Variants in VWF observed in about 807,000 individuals in gnomAD.
The protein encoded by VWF is von Willebrand factor.
A neutral mutation model predicts 308.6 loss-of-function variants in VWF; 176 were observed. The ratio of observed to expected loss-of-function variants is 0.57; its 90% CI spans 0.50 to 0.65. VWF has a LOEUF of 0.65. Ranked by LOEUF, VWF falls within the 30% of genes least tolerant of loss-of-function variation. The pLI is 0.00. For missense variants in VWF, 3,146 were observed against 3,648.2 expected (o/e 0.86, Z 3.55); for synonymous variants, 1,385 against 1,443.4 (o/e 0.96, Z 0.92).
intron 3 of VWF, among the ~76,000 whole-genome samples, chr12:6,117,422 G>A (rs961386696): frequency 1.6e-4 from 25 of 152,200 alleles, no homozygotes; most frequent in African/African-American, 5.1e-4. Context: ...ATGCCTGGGG[G>A]CCCAGCAGCC....
At chr12:5,969,872 G>A (rs905535866) in intron 44 of VWF, among the ~76,000 whole-genome samples, 7 of 152,172 alleles carry the variant, frequency 4.6e-5, no homozygotes, top group African/African-American at 1.7e-4. Context: ...TGGGTAGCCT[G>A]ACCCCAAGGG....
Position 6,110,552 on chromosome 12 carries a change from C to G in VWF, c.354G>C (p.Leu118=). The G allele has an allele frequency of 6.2e-7, 1 of 1,614,198 alleles. No homozygotes were observed. The highest frequency in any genetic ancestry group is 1.1e-5 in the South Asian group (1 of 91,088). Residue 118 remains leucine, a synonymous_variant, in exon 5 of 52, where the codon CTG becomes CTC. Coordinates refer to ENST00000261405, the MANE Select transcript of VWF (RefSeq NM_000552.5). ...RVSMPYASKG[L]YLETEAGYYK... ...AGTACCCAGCCTCAGTTTCTAGATA[C>G]AGCCCTTTGGAGGCATAGGGCATGG... is the stretch of plus-strand genomic sequence containing the variant.
intron 42 of VWF, 126 bp from the exon 43 acceptor site, chr12:5,976,386 C>A: frequency 8.0e-7 from 1 of 1,244,250 alleles, no homozygotes; most frequent in South Asian, 1.3e-5. Flanking sequence ...CAAATGTGGT[C>A]TCCGCCCATA....
intron 47 of VWF, among the ~76,000 whole-genome samples, chr12:5,964,224 ATACATAC>A (rs1943356852): frequency 2.2e-5 from 3 of 134,252 alleles, no homozygotes; most frequent in African/African-American, 1.0e-4. Context: ...CTAAAAATAC[ATACATAC>A]ATACATACAT....
chr12:6,004,782 T>G (rs1943909289), intron 34 of VWF, among the ~76,000 whole-genome samples: 1 of 151,628 alleles, frequency 6.6e-6, no homozygotes, highest in Non-Finnish European at 1.5e-5. Flanking sequence ...AAATAATAAG[T>G]AGTTAAAGAA....
intron 5 of VWF, 31 bp from the exon 6 acceptor site, chr12:6,095,615 T>G: frequency 6.2e-7 from 1 of 1,613,970 alleles, no homozygotes; most frequent in Non-Finnish European, 8.5e-7. Flanking sequence ...AAAGTAATGC[T>G]TCAGTTATGC....
intron 6 of VWF, among the ~76,000 whole-genome samples, chr12:6,088,380 G>A (rs1944995933): frequency 6.6e-6 from 1 of 151,980 alleles, no homozygotes; most frequent in African/African-American, 2.4e-5. Flanking sequence ...TCGGGAGGCT[G>A]AGGCGGGAGA....
At chr12:6,045,694 A>G (rs1944440145) in intron 17 of VWF, among the ~76,000 whole-genome samples, 1 of 152,208 alleles carries the variant, frequency 6.6e-6, no homozygotes, top group South Asian at 2.1e-4. Flanking sequence ...AGCAAACACC[A>G]TGGCACAGAA....
In VWF at chr12:6,020,952, G is replaced by A. The variant is rs367607483; in HGVS notation, c.3674+948C>T. 0.048 allele frequency among the ~76,000 whole-genome samples: 7,278 copies of A among 151,484 alleles called. 599 individuals are homozygous for A. The highest frequency in any genetic ancestry group is 0.16 in the African/African-American group (6,698 of 40,766). ...CCCAAGCCAGCATCAGAATCACCCA[G>A]TCCTTTGCTCCCTACAGTCTCTGTT... On this transcript the variant is annotated intron_variant, in intron 27 of 51. Coordinates refer to ENST00000261405, the MANE Select transcript of VWF (RefSeq NM_000552.5). The surrounding 1 kb of genome is among the most constrained non-coding windows in gnomAD (Gnocchi z 4.3).
intron 18 of VWF, among the ~76,000 whole-genome samples, chr12:6,037,135 C>A (rs977931375): frequency 1.3e-5 from 2 of 152,098 alleles, no homozygotes; most frequent in Non-Finnish European, 2.9e-5. Flanking sequence ...ATATATTTCA[C>A]AAAAGACTAG....
intron 34 of VWF, among the ~76,000 whole-genome samples, chr12:6,008,062 A>G (rs1943949655): frequency 1.3e-5 from 2 of 152,136 alleles, no homozygotes; most frequent in Middle Eastern, 3.2e-3. Flanking sequence ...TAATCTCTCA[A>G]TAAATAAGAG....
chr12:6,059,734 T>A (rs1944633029), intron 13 of VWF, among the ~76,000 whole-genome samples: 1 of 152,178 alleles, frequency 6.6e-6, no homozygotes, highest in African/African-American at 2.4e-5. Context: ...ACATATAAAT[T>A]TGGGGAGGAC....
rs767600265 is a variant in VWF at position 6,075,603 on chromosome 12, G to A, written c.658-52C>T. The A allele has an allele frequency of 2.5e-6, 4 of 1,571,532 alleles. No individual in the cohort carries two copies. The South Asian group carries it at 3.5e-5, about 14-fold the overall frequency. ...GTATGCTCCGTTAGTGTCTCCCTGA[G>A]TGTGGCACTGAGACTTAGCCCTGCT... is the stretch of plus-strand genomic sequence containing the variant. On this transcript the variant is annotated intron_variant, in intron 6 of 51. Transcript: ENST00000261405. This position sits in a 1 kb window ranked among gnomAD's most constrained non-coding sequence, Gnocchi z 4.7.
chr12:6,035,406 C>T (rs2136431261), intron 19 of VWF, among the ~76,000 whole-genome samples: 1 of 152,292 alleles, frequency 6.6e-6, no homozygotes, highest in African/African-American at 2.4e-5. Context: ...CCTGCCACCA[C>T]CCGTAACCAG....
At chr12:6,106,874 TC>T (rs1179729932) in intron 5 of VWF, among the ~76,000 whole-genome samples, 2 of 40,378 alleles carry the variant, frequency 5.0e-5, no homozygotes, top group African/African-American at 2.2e-4. Flanking sequence ...AAACTCCGAC[TC>T]AAAAAAAAAA....
chr12:6,032,409 G>A (rs947760992), intron 20 of VWF, among the ~76,000 whole-genome samples: 6 of 151,792 alleles, frequency 4.0e-5, no homozygotes, highest in Non-Finnish European at 7.4e-5. Flanking sequence ...GGAGGCTGAG[G>A]CGGGCGGATC....
At chr12:6,119,036 T>C (rs1261597055) in intron 3 of VWF, among the ~76,000 whole-genome samples, 1 of 152,338 alleles carries the variant, frequency 6.6e-6, no homozygotes, top group Non-Finnish European at 1.5e-5. Flanking sequence ...CCATTCCGCC[T>C]CCTACCTCTC....
rs372430819 is a variant in VWF at position 6,013,628 on chromosome 12, T to C, written c.5473A>G (p.Ile1825Val). 1.7e-5 allele frequency: 28 copies of C among 1,613,216 alleles called. No homozygotes were observed. Among genetic ancestry groups the C allele is most frequent in the Non-Finnish European group, 2.2e-5 (26 of 1,179,848 alleles). Residue 1825 changes from isoleucine to valine, a missense_variant, in exon 32 of 52, where the codon ATT becomes GTT. Ile to Val is a conservative substitution (Grantham distance 29). Coordinates refer to ENST00000261405, the MANE Select transcript of VWF (RefSeq NM_000552.5). Reference protein sequence around the residue: ...ARSNRVTVFPIGIGDRYDAAQ... With the variant: ...ARSNRVTVFPVGIGDRYDAAQ... The stretch of plus-strand genomic sequence containing the variant: ...GCATCGTAGCGATCTCCAATTCCAA[T>C]AGGGAACACTGTCACTCCTAGAGTT...
intron 42 of VWF, among the ~76,000 whole-genome samples, chr12:5,979,018 A>G (rs1279346698): frequency 3.9e-5 from 6 of 152,216 alleles, no homozygotes; most frequent in African/African-American, 1.4e-4. Context: ...AGGGAGGACA[A>G]CTTGAATATC....
Sources: allele counts gnomAD v4.1 joint callset (sites outside exome capture counted in the v4.1 genomes callset), GRCh38; gene constraint gnomAD v4.1.1; non-coding constraint Gnocchi (gnomAD v3.1); transcripts MANE v1.5; gene names NCBI Gene and HGNC (gene_info 2026-07-23, HGNC 2026-07-21).